The following RET variants were observed in gnomAD, a reference collection of about 807,000 sequenced individuals.
RET encodes the protein proto-oncogene tyrosine-protein kinase receptor Ret.
In RET, 19 loss-of-function variants were observed where a neutral mutation model predicts 118.3. The ratio of observed to expected loss-of-function variants is 0.16; its 90% confidence interval spans 0.11 to 0.24. The LOEUF (loss-of-function observed/expected upper bound fraction) is 0.24, where lower values mean the gene tolerates loss of function less well. RET is among the 10% of genes least tolerant of loss of function. The pLI is 1.00. For synonymous variants in RET, 597 were observed against 644.1 expected (o/e 0.93, Z 1.11); for missense variants, 1,219 against 1,502.1 (o/e 0.81, Z 3.12).
chr10:43,108,375 C>T (rs1301392748), intron 5 of RET, among the ~76,000 whole-genome samples: 1 of 152,164 alleles, frequency 6.6e-6, no homozygotes, highest in East Asian at 1.9e-4. Flanking sequence ...TAACCCTTGC[C>T]TGGCATGGCC....
intron 16 of RET, among the ~76,000 whole-genome samples, chr10:43,122,642 C>T (rs1838243871): frequency 6.6e-6 from 1 of 152,190 alleles, no homozygotes; most frequent in African/African-American, 2.4e-5. Flanking sequence ...GGGTCTCACT[C>T]TGTCACCCAG....
At chr10:43,104,062 C>T (rs115396952) in intron 3 of RET, among the ~76,000 whole-genome samples, 149 of 152,302 alleles carry the variant, frequency 9.8e-4, no homozygotes, top group African/African-American at 3.5e-3. Flanking sequence ...ATGCAGGGCA[C>T]GGAGCATTCG....
chr10:43,085,679 G>A (rs1222610138), intron 1 of RET, among the ~76,000 whole-genome samples: 1 of 152,190 alleles, frequency 6.6e-6, no homozygotes, highest in Non-Finnish European at 1.5e-5. Context: ...CCCTGAGGGA[G>A]GCGTGAGTTG....
Position 43,113,452 on chromosome 10 carries a change from G to A in RET, c.1760-104G>A, listed in dbSNP as rs867341228. ...CTGGCCTCACTGGGCCTATGCTTGC[G>A]ACACCAGTTGGGGAGGGGGCTCCTT... On this transcript the variant is annotated intron_variant, in intron 9 of 19. Transcript: ENST00000355710. 173 of 1,361,820 alleles carry A rather than the reference G, an allele frequency of 1.3e-4. No individual in the cohort carries two copies. The Middle Eastern group carries it at 2.9e-3, about 23-fold the overall frequency. The allele number at this position is 1,361,820 out of a possible 1,614,324, so 84.4% of individuals were successfully genotyped here.
intron 18 of RET, among the ~76,000 whole-genome samples, chr10:43,125,941 A>G (rs1838318356): frequency 1.3e-5 from 2 of 152,202 alleles, no homozygotes; most frequent in Admixed American, 6.5e-5. Context: ...AACAGCCGGG[A>G]AAACGCTGGG....
rs2133034267 is a variant in RET, at chr10:43,126,619, T to A, written c.3084T>A (p.Ile1028=). 1 of 1,614,140 alleles carries A rather than the reference T, an allele frequency of 6.2e-7. No individual in the cohort carries two copies. The highest frequency in any genetic ancestry group is 8.5e-7 in the Non-Finnish European group (1 of 1,180,024). The part of the protein sequence containing the change: ...LAASTPSDSL[I]YDDGLSEEET... The stretch of plus-strand genomic sequence containing the variant: ...CGTCCACTCCATCTGACTCCCTGAT[T>A]TATGACGACGGCCTCTCAGAGGAGG... The change falls in exon 19 of 20, where the codon ATT becomes ATA. Residue 1028 remains isoleucine, a synonymous_variant. Transcript: ENST00000355710.
At chr10:43,091,317 A>G (rs1233984727) in intron 1 of RET, among the ~76,000 whole-genome samples, 3 of 151,974 alleles carry the variant, frequency 2.0e-5, no homozygotes, top group African/African-American at 4.8e-5. Flanking sequence ...AACAGCAACA[A>G]AAAAACCTGA....
Position 43,105,086 on chromosome 10 carries a change from G to A in RET, c.760G>A (p.Val254Met), listed in dbSNP as rs554862459. 3 of 1,611,798 alleles carry A rather than the reference G, an allele frequency of 1.9e-6. No individual in the cohort carries two copies. Among genetic ancestry groups the A allele is most frequent in the African/African-American group, 1.3e-5 (1 of 75,042 alleles). Reference sequence around the variant, plus strand: ...GCACGCCGGCGCGCGCGAGGAGGTGGTGATGGTGCCCTTCCCGGTGACCGT... The same window carrying A: ...GCACGCCGGCGCGCGCGAGGAGGTGATGATGGTGCCCTTCCCGGTGACCGT... Reference protein sequence around the residue: ...TVHAGAREEVVMVPFPVTVYD... With the variant: ...TVHAGAREEVMMVPFPVTVYD... The change falls in exon 4 of 20, where the codon GTG becomes ATG. Residue 254 changes from valine (V) to methionine (M), a missense_variant. Around this residue, in one of 5 missense-constraint regions of RET, gnomAD observed 850 missense variants for 969.6 expected, o/e 0.88. Transcript: ENST00000355710.
rs2132845206 is a variant in RET, at chr10:43,114,509, G to A, written c.1909G>A (p.Val637Met). 1.2e-6 allele frequency: 2 copies of A among 1,608,524 alleles called. No individual in the cohort carries two copies. Among genetic ancestry groups the A allele is most frequent in the Non-Finnish European group, 1.7e-6 (2 of 1,179,982 alleles). ...ACTGTGCGACGAGCTGTGCCGCACG[G>A]TGATCGCAGCCGCTGTCCTCTTCTC... ...DPLCDELCRTVIAAAVLFSFI... is the reference protein window; with the variant it reads ...DPLCDELCRTMIAAAVLFSFI... Residue 637 changes from valine (V) to methionine (M), a missense_variant, in exon 11 of 20, where the codon GTG (valine) becomes ATG (methionine). Coordinates refer to ENST00000355710, the MANE Select transcript of RET (RefSeq NM_020975.6). This position sits in a 1 kb window ranked among gnomAD's most constrained non-coding sequence, Gnocchi z 4.6.
intron 1 of RET, among the ~76,000 whole-genome samples, chr10:43,091,516 A>C (rs1184113058): frequency 6.6e-6 from 1 of 151,904 alleles, no homozygotes; most frequent in Non-Finnish European, 1.5e-5. Flanking sequence ...CTGTAATCCC[A>C]GCTACTTGGG....
At chr10:43,104,643 GTCCCAGTCCCTACT>G in intron 3 of RET, 1 of 530,066 alleles carries the variant, frequency 1.9e-6, no homozygotes, top group Non-Finnish European at 3.4e-6. Flanking sequence ...GCGGAGGGGT[GTCCCAGTCCCTACT>G]GGTTGATCAG....
chr10:43,079,628 C>T (rs1370186851), intron 1 of RET, among the ~76,000 whole-genome samples: 1 of 152,204 alleles, frequency 6.6e-6, no homozygotes, highest in Non-Finnish European at 1.5e-5. Context: ...CTCTTGTCTT[C>T]CTGGCCTGAC....
chr10:43,126,932 T>C (rs922751280), intron 19 of RET: 1 of 1,433,056 alleles, frequency 7.0e-7, no homozygotes, highest in African/African-American at 1.4e-5. Context: ...TGAAAATAAG[T>C]GTAATTACCA....
At chr10:43,119,485 A>C (rs763455416) in intron 13 of RET, 46 bp from the exon 14 acceptor site, 2 of 1,535,776 alleles carry the variant, frequency 1.3e-6, no homozygotes, top group African/African-American at 2.7e-5. Flanking sequence ...TGGAAGACCC[A>C]AGCTGCCTGA....
Position 43,078,314 on chromosome 10 carries a change from C to T in RET, c.73+983C>T, listed in dbSNP as rs546489480. ...GGAGCCCTGGCCATCCTCCCTCACT[C>T]CTTACAAAGGGCTTTCTCTCCCCAC... is the stretch of plus-strand genomic sequence containing the variant. On this transcript the variant is annotated intron_variant, in intron 1 of 19. Transcript: ENST00000355710. Among the ~76,000 whole-genome samples, 59 of 152,344 alleles carry T rather than the reference C, an allele frequency of 3.9e-4. 1 individual carries two copies. The South Asian group carries it at 7.5e-3, about 19-fold the overall frequency.
chr10:43,078,083 G>A (rs910064200), intron 1 of RET, among the ~76,000 whole-genome samples: 1 of 152,194 alleles, frequency 6.6e-6, no homozygotes, highest in Non-Finnish European at 1.5e-5. Context: ...TGCTGGGCCT[G>A]GTGAAACCTC....
chr10:43,100,629 G>A lies in RET; in HGVS notation c.244G>A (p.Glu82Lys). The A allele has an allele frequency of 6.2e-7, 1 of 1,613,784 alleles. No homozygotes were observed. The highest frequency in any genetic ancestry group is 2.2e-5 in the East Asian group (1 of 44,878). The change falls in exon 2 of 20, where the codon GAG (glutamate) becomes AAG (lysine). Residue 82 changes from glutamate to lysine, a missense_variant. Glu to Lys is a moderately conservative substitution (Grantham distance 56). This residue lies in a region of RET where 84 missense variants were observed against 163.6 expected (regional missense o/e 0.51). Coordinates refer to ENST00000355710, the MANE Select transcript of RET (RefSeq NM_020975.6). ...CGGCACGTACCGCACACGGCTGCAT[G>A]AGAACAACTGGATCTGCATCCAGGA... ...LYGTYRTRLH[E>K]NNWICIQEDT... is the part of the protein sequence containing the mutation.
At chr10:43,125,942 A>T (rs1463149451) in intron 18 of RET, among the ~76,000 whole-genome samples, 3 of 152,220 alleles carry the variant, frequency 2.0e-5, no homozygotes, top group Non-Finnish European at 2.9e-5. Context: ...ACAGCCGGGA[A>T]AACGCTGGGC....
chr10:43,082,539 A>C (rs1207021606), intron 1 of RET, among the ~76,000 whole-genome samples: 1 of 152,152 alleles, frequency 6.6e-6, no homozygotes, highest in Admixed American at 6.5e-5. Context: ...GTGGCCCTAC[A>C]GCCCCAGGTT....
Sources: allele counts gnomAD v4.1 joint callset (sites outside exome capture counted in the v4.1 genomes callset), GRCh38; gene constraint gnomAD v4.1.1; regional missense constraint gnomAD v4.1.1; non-coding constraint Gnocchi (gnomAD v3.1); transcripts MANE v1.5; gene names NCBI Gene and HGNC (gene_info 2026-07-23, HGNC 2026-07-21).